Variants in TEX26 observed in about 807,000 individuals in gnomAD.
The protein encoded by TEX26 is testis-expressed protein 26.
In TEX26, 34 loss-of-function variants were observed where a neutral mutation model predicts 35.3. The ratio of observed to expected loss-of-function variants is 0.96; its 90% CI spans 0.73 to 1.28. TEX26 has a LOEUF of 1.28. Ranked by LOEUF, TEX26 falls within the 50% of genes most tolerant of loss-of-function variation. The pLI, the probability that TEX26 is intolerant of heterozygous loss-of-function variation, is 0.00. For synonymous variants in TEX26, 136 were observed against 111.8 expected, an observed-to-expected ratio of 1.22 and a Z score of -1.36; for missense variants, 371 against 330.1, an observed-to-expected ratio of 1.12 and a Z score of -0.96.
Position 30,950,656 on chromosome 13 carries a change from T to C in TEX26, c.147-2004T>C, listed in dbSNP as rs552160643. ...TTACTCTCAGCCATGCTCTATGACT[T>C]AGCTAAATTCAGAGCCTCCCCACAC... is the stretch of plus-strand genomic sequence containing the variant. On this transcript the variant is annotated intron_variant, in intron 2 of 6. Transcript: ENST00000380473. 4.6e-5 allele frequency among the ~76,000 whole-genome samples: 7 copies of C among 152,266 alleles called. 1 individual carries two copies. In the South Asian group the frequency reaches 1.2e-3, roughly 27 times the overall value.
intron 1 of TEX26, among the ~76,000 whole-genome samples, chr13:30,934,247 C>T (rs539120721): frequency 6.6e-6 from 1 of 152,350 alleles, no homozygotes; most frequent in African/African-American, 2.4e-5. Flanking sequence ...CCCTTTACCT[C>T]CAGGCTTGGG....
chr13:30,934,580 G>C (rs1277541987), intron 1 of TEX26, among the ~76,000 whole-genome samples: 1 of 152,196 alleles, frequency 6.6e-6, no homozygotes, highest in African/African-American at 2.4e-5. Flanking sequence ...GGGGAGAAGT[G>C]GTCCTTACGT....
chr13:30,959,179 TA>T (rs1304555053), intron 4 of TEX26, among the ~76,000 whole-genome samples: 1 of 152,228 alleles, frequency 6.6e-6, no homozygotes, highest in Non-Finnish European at 1.5e-5. Context: ...CATTAAAATT[TA>T]CTTTTATTAA....
At chr13:30,954,799 A>G (rs1444182716) in intron 3 of TEX26, among the ~76,000 whole-genome samples, 1 of 152,106 alleles carries the variant, frequency 6.6e-6, no homozygotes, top group Non-Finnish European at 1.5e-5. Context: ...GTTGATTACA[A>G]TATTATACTG....
intron 6 of TEX26, 79 bp from the exon 7 acceptor site, chr13:30,974,767 T>C: frequency 7.3e-7 from 1 of 1,360,818 alleles, no homozygotes; most frequent in South Asian, 1.4e-5. Context: ...AGATATTTTC[T>C]TCCTTCATAG....
intron 2 of TEX26, among the ~76,000 whole-genome samples, chr13:30,950,357 G>A (rs1050861527): frequency 1.3e-5 from 2 of 152,084 alleles, no homozygotes; most frequent in Admixed American, 6.5e-5. Flanking sequence ...TCCACCCTGG[G>A]TGACAGAGTA....
At chr13:30,934,377 T>C (rs11840544) in intron 1 of TEX26, among the ~76,000 whole-genome samples, 2,840 of 152,334 alleles carry the variant, frequency 0.019, 40 homozygotes, top group African/African-American at 0.039. Context: ...AGGTTGATGG[T>C]GACTGATGAC....
chr13:30,967,978 T>A (rs555921010), intron 5 of TEX26, among the ~76,000 whole-genome samples: 4 of 152,332 alleles, frequency 2.6e-5, no homozygotes, highest in African/African-American at 9.6e-5. Flanking sequence ...GCACAGGAGA[T>A]GTCCTGAAAG....
intron 2 of TEX26, among the ~76,000 whole-genome samples, chr13:30,950,563 TCTCTCAGAGGC>T (rs1953881959): frequency 6.6e-6 from 1 of 152,150 alleles, no homozygotes; most frequent in Non-Finnish European, 1.5e-5. Context: ...CATCCTCTCT[TCTCTCAGAGGC>T]CTCTCCCTAA....
At chr13:30,938,455 T>C (rs1953354977) in intron 1 of TEX26, among the ~76,000 whole-genome samples, 1 of 152,134 alleles carries the variant, frequency 6.6e-6, no homozygotes, top group East Asian at 1.9e-4. Flanking sequence ...ATTAGCTGCA[T>C]TGTAACATGG....
intron 1 of TEX26, among the ~76,000 whole-genome samples, chr13:30,937,623 A>G (rs962280217): frequency 6.6e-6 from 1 of 152,230 alleles, no homozygotes; most frequent in Non-Finnish European, 1.5e-5. Flanking sequence ...GCTTTCAAGC[A>G]TAAAGCGATG....
intron 2 of TEX26, among the ~76,000 whole-genome samples, chr13:30,946,240 T>A (rs983193350): frequency 2.0e-5 from 3 of 151,946 alleles, no homozygotes; most frequent in Non-Finnish European, 4.4e-5. Context: ...TCTAGTCTGT[T>A]AAAACTTTCC....
chr13:30,935,454 C>T (rs1953238124), intron 1 of TEX26, among the ~76,000 whole-genome samples: 1 of 152,184 alleles, frequency 6.6e-6, no homozygotes, highest in South Asian at 2.1e-4. Flanking sequence ...ACCCTGGGCT[C>T]AGCCAGAGCA....
At chr13:30,933,668 CTTAA>C (rs1431687462) in intron 1 of TEX26, 4 of 104,924 alleles carry the variant, frequency 3.8e-5, no homozygotes, top group East Asian at 5.3e-4. Context: ...AATGAAAATA[CTTAA>C]TTAGTGCAGA....
intron 1 of TEX26, among the ~76,000 whole-genome samples, chr13:30,935,386 C>T (rs975606845): frequency 7.2e-5 from 11 of 152,376 alleles, no homozygotes; most frequent in African/African-American, 1.9e-4. Flanking sequence ...CTCCAGCCTG[C>T]GCATGGCCAC....
chr13:30,935,538 C>T (rs1360324845), intron 1 of TEX26, among the ~76,000 whole-genome samples: 1 of 152,234 alleles, frequency 6.6e-6, no homozygotes, highest in Non-Finnish European at 1.5e-5. Context: ...GAGGAGTATG[C>T]TCTCTGCTGA....
At chr13:30,964,729 G>T (rs981165093) in intron 4 of TEX26, among the ~76,000 whole-genome samples, 5 of 152,306 alleles carry the variant, frequency 3.3e-5, no homozygotes, top group East Asian at 3.9e-4. Flanking sequence ...CTGGCACCTT[G>T]CAAGAGCCTT....
At chr13:30,935,305 G>A (rs1003632298) in intron 1 of TEX26, among the ~76,000 whole-genome samples, 17 of 152,238 alleles carry the variant, frequency 1.1e-4, no homozygotes, top group African/African-American at 4.1e-4. Context: ...CCCACCCTCT[G>A]ACCAGGGAGG....
chr13:30,965,574 GC>G (rs1954498716), intron 4 of TEX26, among the ~76,000 whole-genome samples: 1 of 152,158 alleles, frequency 6.6e-6, no homozygotes, highest in African/African-American at 2.4e-5. Flanking sequence ...TGTGACTCTT[GC>G]CTCTGTAATC....
Sources: gnomAD v4.1 joint callset for allele counts (sites outside exome capture counted in the v4.1 genomes callset) on GRCh38, gnomAD v4.1.1 for gene constraint, MANE v1.5 for transcripts, NCBI Gene and HGNC (gene_info 2026-07-23, HGNC 2026-07-21) for gene names.